Variants in SNTG1 observed in about 807,000 individuals in gnomAD.
The protein encoded by SNTG1 is syntrophin gamma 1, also known as gamma-1-syntrophin.
A neutral mutation model predicts 74.7 loss-of-function variants in SNTG1; 39 were observed. The observed-to-expected ratio is 0.52, with a 90% confidence interval of 0.40 to 0.68. SNTG1 has a LOEUF of 0.68. Ranked by LOEUF, SNTG1 falls within the 30% of genes least tolerant of loss-of-function variation. The pLI, the probability that SNTG1 is intolerant of heterozygous loss-of-function variation, is 0.00. For missense variants in SNTG1, 685 were observed against 609.5 expected (o/e 1.12, Z -1.30); for synonymous variants, 254 against 217.1 (o/e 1.17, Z -1.49).
rs530473946 is a variant in SNTG1, at chr8:49,984,687, T to C, written c.-103+72456T>C. On this transcript the variant is annotated intron_variant, in intron 1 of 18. Transcript: ENST00000642720. ...AATTTTATTTAAAAAATAAGATCAC[T>C]ACATTTCATGCAAAGTAAGTTGAAG... Among the ~76,000 whole-genome samples the C allele has an allele frequency of 2.0e-5, 3 of 152,336 alleles. No individual in the cohort carries two copies. In the East Asian group the frequency reaches 5.8e-4, roughly 29 times the overall value.
At chr8:50,587,923 A>T (rs1265494414) in intron 12 of SNTG1, among the ~76,000 whole-genome samples, 1 of 152,000 alleles carries the variant, frequency 6.6e-6, no homozygotes, top group Non-Finnish European at 1.5e-5. Flanking sequence ...CATTCTGGCC[A>T]ACATGGTGAA....
At chr8:50,507,423 G>C (rs1452205471) in intron 9 of SNTG1, among the ~76,000 whole-genome samples, 3 of 151,946 alleles carry the variant, frequency 2.0e-5, no homozygotes, top group Admixed American at 6.6e-5. Flanking sequence ...TTAAATGCTT[G>C]GTAAAGTTCT....
intron 1 of SNTG1, among the ~76,000 whole-genome samples, chr8:50,138,380 G>A (rs943126224): frequency 1.3e-5 from 2 of 151,946 alleles, no homozygotes; most frequent in African/African-American, 2.4e-5. Flanking sequence ...ACTTTTGGGA[G>A]GCCGAGGTGG....
At chr8:50,398,591 A>C (rs2092759471) in intron 3 of SNTG1, among the ~76,000 whole-genome samples, 1 of 152,126 alleles carries the variant, frequency 6.6e-6, no homozygotes, top group African/African-American at 2.4e-5. Context: ...TGTTGCTCCC[A>C]TATCAGATGT....
At chr8:50,743,989 A>T (rs28792125) in intron 17 of SNTG1, among the ~76,000 whole-genome samples, 15,535 of 151,824 alleles carry the variant, frequency 0.1, 2,208 homozygotes, top group African/African-American at 0.32. Context: ...AGGAGGTGAC[A>T]CACATTTTTC....
intron 4 of SNTG1, among the ~76,000 whole-genome samples, chr8:50,410,178 G>A (rs2092929086): frequency 6.6e-6 from 1 of 152,192 alleles, no homozygotes; most frequent in African/African-American, 2.4e-5. Flanking sequence ...CTGTGAAAAT[G>A]TGATCCAGAG....
chr8:50,066,282 A>T (rs182548287), intron 1 of SNTG1, among the ~76,000 whole-genome samples: 1 of 152,134 alleles, frequency 6.6e-6, no homozygotes, highest in African/African-American at 2.4e-5. Flanking sequence ...TCTTCCTCCC[A>T]ACTTTACTGC....
chr8:50,555,336 A>C (rs1401554715), intron 12 of SNTG1, among the ~76,000 whole-genome samples: 1 of 152,184 alleles, frequency 6.6e-6, no homozygotes, highest in African/African-American at 2.4e-5. Context: ...TTAGGTTCCA[A>C]TGTATTCTGA....
chr8:50,108,414 C>A (rs1163719869), intron 1 of SNTG1, among the ~76,000 whole-genome samples: 1 of 151,968 alleles, frequency 6.6e-6, no homozygotes, highest in African/African-American at 2.4e-5. Context: ...CCATTCTTTG[C>A]AATAATTTCA....
chr8:50,117,534 T>C (rs1447151956), intron 1 of SNTG1, among the ~76,000 whole-genome samples: 1 of 152,168 alleles, frequency 6.6e-6, no homozygotes, highest in Non-Finnish European at 1.5e-5. Context: ...ATAAAGCTGA[T>C]CAATAATCAT....
At chr8:50,266,386 AAATG>A (rs2087467868) in intron 2 of SNTG1, among the ~76,000 whole-genome samples, 1 of 152,038 alleles carries the variant, frequency 6.6e-6, no homozygotes, top group Non-Finnish European at 1.5e-5. Flanking sequence ...ATACGTAAGC[AAATG>A]AATGAAGTTG....
chr8:49,968,616 A>G (rs1811366122), intron 1 of SNTG1, among the ~76,000 whole-genome samples: 1 of 152,244 alleles, frequency 6.6e-6, no homozygotes, highest in Middle Eastern at 3.4e-3. Context: ...AGGAAATAAT[A>G]TCAATTTGGG....
intron 12 of SNTG1, among the ~76,000 whole-genome samples, chr8:50,590,542 T>G (rs1282356917): frequency 6.6e-6 from 1 of 152,062 alleles, no homozygotes; most frequent in Non-Finnish European, 1.5e-5. Context: ...AATTTCAAAG[T>G]GCAAAAAATA....
intron 1 of SNTG1, among the ~76,000 whole-genome samples, chr8:50,167,023 C>CA (rs903308184): frequency 2.2e-5 from 3 of 138,696 alleles, no homozygotes; most frequent in Admixed American, 7.4e-5. Flanking sequence ...ATCGCAAGAA[C>CA]AAAAAACCAA....
intron 10 of SNTG1, among the ~76,000 whole-genome samples, chr8:50,532,962 T>C (rs1040426308): frequency 6.6e-6 from 1 of 152,210 alleles, no homozygotes; most frequent in East Asian, 1.9e-4. Flanking sequence ...AACATGTCCT[T>C]ACTGTATTTT....
chr8:50,257,249 T>C (rs2086929265), intron 2 of SNTG1, among the ~76,000 whole-genome samples: 1 of 152,196 alleles, frequency 6.6e-6, no homozygotes, highest in Non-Finnish European at 1.5e-5. Flanking sequence ...TGAAAAATAC[T>C]GGACCCTATT....
intron 1 of SNTG1, among the ~76,000 whole-genome samples, chr8:49,945,871 T>C (rs1230485962): frequency 6.6e-6 from 1 of 152,208 alleles, no homozygotes; most frequent in Non-Finnish European, 1.5e-5. Context: ...GGATATTTGC[T>C]GGACAATAAT....
chr8:50,403,083 A>G (rs537416524), intron 4 of SNTG1, among the ~76,000 whole-genome samples: 148 of 152,340 alleles, frequency 9.7e-4, no homozygotes, highest in African/African-American at 3.4e-3. Context: ...TAATAATGCT[A>G]TTAAAGGCTT....
chr8:50,553,250 A>T, intron 12 of SNTG1, 71 bp downstream of exon 12: 1 of 1,561,566 alleles, frequency 6.4e-7, no homozygotes, highest in Non-Finnish European at 8.7e-7. Flanking sequence ...TATATATGTA[A>T]CTTCACATCA....
Sources: gnomAD v4.1 joint callset for allele counts (sites outside exome capture counted in the v4.1 genomes callset) on GRCh38, gnomAD v4.1.1 for gene constraint, MANE v1.5 for transcripts, NCBI Gene and HGNC (gene_info 2026-07-23, HGNC 2026-07-21) for gene names.